Variants in MLKL observed in about 807,000 individuals in gnomAD.
The protein encoded by MLKL is mixed lineage kinase domain like pseudokinase.
A neutral mutation model predicts 56.5 loss-of-function variants in MLKL; 55 were observed. That is an observed-to-expected ratio of 0.97 (90% confidence interval 0.78 to 1.22). The LOEUF is 1.22. Ranked by LOEUF, MLKL falls within the 50% of genes most tolerant of loss-of-function variation. The pLI, the probability that MLKL is intolerant of heterozygous loss-of-function variation, is 0.00. For missense variants in MLKL, 694 were observed against 573.9 expected (o/e 1.21, Z -2.14); for synonymous variants, 251 against 208.3 (o/e 1.20, Z -1.76).
At chr16:74,695,034 G>A (rs542073060) in intron 2 of MLKL, among the ~76,000 whole-genome samples, 132 of 152,146 alleles carry the variant, frequency 8.7e-4, no homozygotes, top group Non-Finnish European at 1.8e-3. Context: ...CACCATGCCC[G>A]GCTAATTTTT....
Position 74,693,861 on chromosome 16 carries a change from C to A in MLKL, c.460+1437G>T, listed in dbSNP as rs182778819. Among the ~76,000 whole-genome samples, 928 of 152,210 alleles carry A rather than the reference C, an allele frequency of 6.1e-3. 8 individuals are homozygous for A. Among genetic ancestry groups the A allele is most frequent in the African/African-American group, 0.021 (883 of 41,516 alleles). ...CTCATGATCCGCCCGCCTCGGCCTCCCAAAGTGCTGGGATTACAGGCGTGA... is the reference window on the plus strand; with the variant it reads ...CTCATGATCCGCCCGCCTCGGCCTCACAAAGTGCTGGGATTACAGGCGTGA... On this transcript the variant is annotated intron_variant, in intron 2 of 10. Coordinates refer to ENST00000308807, the MANE Select transcript of MLKL (RefSeq NM_152649.4).
intron 7 of MLKL, chr16:74,675,992 T>C (rs1597480053): frequency 1.8e-6 from 1 of 540,784 alleles, no homozygotes; most frequent in East Asian, 3.2e-5. Flanking sequence ...CTGTATAAAA[T>C]GGGGCGATGA....
At chr16:74,692,897 G>A (rs566281697) in intron 2 of MLKL, among the ~76,000 whole-genome samples, 2 of 152,208 alleles carry the variant, frequency 1.3e-5, no homozygotes, top group African/African-American at 2.4e-5. Flanking sequence ...TATATACTCA[G>A]AAACATGTTT....
rs137928160 is a variant in MLKL at position 74,697,098 on chromosome 16, C to T, written c.-2-1339G>A. 2.6e-4 allele frequency among the ~76,000 whole-genome samples: 40 copies of T among 151,024 alleles called. No homozygotes were observed. The East Asian group carries it at 5.8e-3, about 22-fold the overall frequency. On this transcript the variant is annotated intron_variant, in intron 1 of 10. Coordinates refer to ENST00000308807, the MANE Select transcript of MLKL (RefSeq NM_152649.4). ...TGGTGTGGTGGCACACACCCGTAGT[C>T]TCAGCTACCTGGGAAGTTGAGATAG...
rs1959482469 is a variant in MLKL, at chr16:74,674,816, C to A, written c.1381+144G>T. 5 of 1,017,162 alleles carry A rather than the reference C, an allele frequency of 4.9e-6. No individual in the cohort carries two copies. The East Asian group carries it at 1.3e-4, about 26-fold the overall frequency. The allele number at this position is 1,017,162 out of a possible 1,614,324, so 63.0% of individuals were successfully genotyped here. The stretch of plus-strand genomic sequence containing the variant: ...ACCTCCCTGGCCTTATGACAAACAA[C>A]AATGTTTCAGACATCACTAAATGTT... On this transcript the variant is annotated intron_variant, in intron 10 of 10. Coordinates refer to ENST00000308807, the MANE Select transcript of MLKL (RefSeq NM_152649.4).
intron 4 of MLKL, 66 bp downstream of exon 4, chr16:74,691,211 C>T: frequency 6.9e-7 from 1 of 1,439,228 alleles, no homozygotes; most frequent in Non-Finnish European, 9.4e-7. Context: ...GAGACGATAT[C>T]CCTCTCTCCT....
rs193090241 is a variant in MLKL at position 74,699,359 on chromosome 16, G to C, written c.-3+1094C>G. Among the ~76,000 whole-genome samples, 4 of 152,024 alleles carry C rather than the reference G, an allele frequency of 2.6e-5. No individual in the cohort carries two copies. In the East Asian group the frequency reaches 7.7e-4, roughly 29 times the overall value. Reference sequence around the variant, plus strand: ...ATGGGAAATTAGTAGGGATAACCAGGATTTTAAAAAATAAAGAAAAGGGGA... The same window carrying C: ...ATGGGAAATTAGTAGGGATAACCAGCATTTTAAAAAATAAAGAAAAGGGGA... On this transcript the variant is annotated intron_variant, in intron 1 of 10. Transcript: ENST00000308807.
intron 5 of MLKL, among the ~76,000 whole-genome samples, chr16:74,684,234 C>A (rs1960177522): frequency 6.6e-6 from 1 of 151,916 alleles, no homozygotes; most frequent in Admixed American, 6.6e-5. Context: ...AGATGTGAGC[C>A]ACCGTGCCTG....
At chr16:74,675,499 T>A in intron 8 of MLKL, 95 bp from the exon 9 acceptor site, 1 of 1,570,724 alleles carries the variant, frequency 6.4e-7, no homozygotes, top group Non-Finnish European at 8.6e-7. Context: ...ATTTTTTGAT[T>A]ACTACCCAAT....
chr16:74,683,333 C>T (rs547522728), intron 5 of MLKL, among the ~76,000 whole-genome samples: 4 of 148,766 alleles, frequency 2.7e-5, no homozygotes, highest in African/African-American at 4.9e-5. Flanking sequence ...TGGTGACTCA[C>T]GCCTGTAATC....
Position 74,672,535 on chromosome 16 carries a change from AT to A in MLKL, c.1384del (p.Ile462SerfsTer2), listed in dbSNP as rs768830130. On this transcript the variant is annotated frameshift_variant and splice_region_variant, in exon 11 of 11. Coordinates refer to ENST00000308807, the MANE Select transcript of MLKL (RefSeq NM_152649.4). LOFTEE classifies it high-confidence loss of function. ...DPSVRPSVDE[I>X]LKKLSTFSK ...AGAAAAGGTGGAGAGTTTCTTTAAGATTTCTGTGGATGAATGAACAGAAAAT... is the reference window on the plus strand; with the variant it reads ...AGAAAAGGTGGAGAGTTTCTTTAAGATTCTGTGGATGAATGAACAGAAAAT... 5.6e-6 allele frequency: 9 copies of A among 1,613,744 alleles called. No homozygotes were observed. The Admixed American group carries it at 6.7e-5, about 12-fold the overall frequency.
At chr16:74,675,522 A>C in intron 8 of MLKL, 91 bp downstream of exon 8, 14 of 1,565,168 alleles carry the variant, frequency 8.9e-6, no homozygotes, top group Non-Finnish European at 1.1e-5. Flanking sequence ...CATTCAACAG[A>C]GTTGAGTTTA....
intron 4 of MLKL, among the ~76,000 whole-genome samples, chr16:74,690,726 G>A (rs903333939): frequency 8.2e-6 from 1 of 121,500 alleles, no homozygotes; most frequent in African/African-American, 3.1e-5. Flanking sequence ...AGGCTGCAAT[G>A]AGCTATGATC....
chr16:74,683,535 G>A (rs192817716), intron 5 of MLKL, among the ~76,000 whole-genome samples: 21 of 150,266 alleles, frequency 1.4e-4, no homozygotes, highest in Non-Finnish European at 7.4e-5. Context: ...GGTGGAAGCT[G>A]CAGTAAGCAT....
chr16:74,685,005 C>T (rs1960240382), intron 5 of MLKL, among the ~76,000 whole-genome samples: 1 of 152,126 alleles, frequency 6.6e-6, no homozygotes, highest in Non-Finnish European at 1.5e-5. Flanking sequence ...GCTGGGACTA[C>T]AGATGCCTGC....
chr16:74,685,602 G>C lies in MLKL; in HGVS notation c.723-19C>G, dbSNP rs767712206. ...CACTATTCTATAAGGATTAAAGAGA[G>C]AAATCAGGATTTCAGAACTGGAAGG... is the stretch of plus-strand genomic sequence containing the variant. On this transcript the variant is annotated intron_variant, in intron 4 of 10. Coordinates refer to ENST00000308807, the MANE Select transcript of MLKL (RefSeq NM_152649.4). 2.3e-5 allele frequency: 36 copies of C among 1,594,198 alleles called. No individual in the cohort carries two copies. The South Asian group carries it at 2.8e-4, about 12-fold the overall frequency.
At position 74,695,483 on chromosome 16, in the gene MLKL, C is replaced by T. The variant is rs201376894; in HGVS notation, c.275G>A (p.Ser92Asn). 38 of 1,614,198 alleles carry T rather than the reference C, an allele frequency of 2.4e-5. 1 individual carries two copies. The East Asian group carries it at 8.0e-4, about 34-fold the overall frequency. Reference protein sequence around the residue: ...RSNICRFLTASQDKILFKDVN... With the variant: ...RSNICRFLTANQDKILFKDVN... ...GTCCTTGAAGAGTATTTTGTCCTGGCTTGCTGTTAGAAACCTGCAGATATT... is the reference window on the plus strand; with the variant it reads ...GTCCTTGAAGAGTATTTTGTCCTGGTTTGCTGTTAGAAACCTGCAGATATT... Residue 92 changes from serine (S) to asparagine (N), a missense_variant, in exon 2 of 11, where the codon AGC becomes AAC. Coordinates refer to ENST00000308807, the MANE Select transcript of MLKL (RefSeq NM_152649.4).
At chr16:74,685,779 C>G (rs190211042) in intron 4 of MLKL, among the ~76,000 whole-genome samples, 196 bp from the exon 5 acceptor site, 1 of 152,108 alleles carries the variant, frequency 6.6e-6, no homozygotes, top group Non-Finnish European at 1.5e-5. Context: ...ATTAGTCCCT[C>G]GGGGTCTGTC....
rs747553404 is a variant in MLKL at position 74,692,440 on chromosome 16, T to C, written c.461-24A>G. 3 of 1,577,142 alleles carry C rather than the reference T, an allele frequency of 1.9e-6. No individual in the cohort carries two copies. The Admixed American group carries it at 5.3e-5, about 28-fold the overall frequency. On this transcript the variant is annotated intron_variant, in intron 2 of 10. Transcript: ENST00000308807. The stretch of plus-strand genomic sequence containing the variant: ...ATCTGCAGGAAAAAAGGGCAGTATA[T>C]GCTCAAAATAGATATTAAAATCACA...
Sources: gnomAD v4.1 joint callset for allele counts (sites outside exome capture counted in the v4.1 genomes callset) on GRCh38, gnomAD v4.1.1 for gene constraint, MANE v1.5 for transcripts, NCBI Gene and HGNC (gene_info 2026-07-23, HGNC 2026-07-21) for gene names.